The following SLC38A11 variants were observed in gnomAD, a reference collection of about 807,000 sequenced individuals.
SLC38A11 encodes the protein putative sodium-coupled neutral amino acid transporter 11.
SLC38A11 carries 51 observed loss-of-function variants against 49.4 expected under a neutral mutation model. The observed-to-expected ratio is 1.03, with a 90% CI of 0.83 to 1.30. The LOEUF is 1.30. SLC38A11 is among the 50% of genes most tolerant of loss of function. The probability of loss-of-function intolerance (pLI) is 0.00; values close to 1 mark genes in which losing one functional copy is unlikely to be tolerated. For synonymous variants in SLC38A11, 203 were observed against 192.9 expected, an observed-to-expected ratio of 1.05 and a Z score of -0.43; for missense variants, 574 against 556.2, an observed-to-expected ratio of 1.03 and a Z score of -0.32.
chr2:164,939,664 C>T, intron 5 of SLC38A11, 108 bp from the exon 6 acceptor site: 1 of 557,732 alleles, frequency 1.8e-6, no homozygotes. Context: ...ATAAATACTA[C>T]CTCAATGACA....
chr2:164,953,042 G>A, intron 2 of SLC38A11: 1 of 380,404 alleles, frequency 2.6e-6, no homozygotes, highest in East Asian at 6.1e-5. Context: ...AGCAGCAAAT[G>A]AAAAACAAAT....
Position 164,908,747 on chromosome 2 carries a change from C to T in SLC38A11, c.988G>A (p.Gly330Arg), listed in dbSNP as rs1424387119. ...REVIANVFFG[G>R]NLSSVFHIVV... ...ATGTGGAAAACCGATGAAAGATTCC[C>T]ACCAAAAAACACATTGGCAATTACC... is the stretch of plus-strand genomic sequence containing the variant. Residue 330 changes from glycine to arginine, a missense_variant, in exon 11 of 12, where the codon GGG becomes AGG. By Grantham distance (125) the Gly-to-Arg change is moderately radical (BLOSUM62 -2). Transcript: ENST00000685975. 1.9e-6 allele frequency: 3 copies of T among 1,609,194 alleles called. No individual in the cohort carries two copies. Among genetic ancestry groups the T allele is most frequent in the East Asian group, 2.2e-5 (1 of 44,704 alleles).
chr2:164,904,572 A>T (rs752520203), intron 11 of SLC38A11, among the ~76,000 whole-genome samples: 1 of 152,152 alleles, frequency 6.6e-6, no homozygotes, highest in Non-Finnish European at 1.5e-5. Flanking sequence ...ACTTATTCAG[A>T]AGCTAAAATA....
intron 6 of SLC38A11, chr2:164,937,747 TA>T (rs1460602862): frequency 6.6e-5 from 12 of 181,036 alleles, no homozygotes; most frequent in Admixed American, 4.3e-4. Flanking sequence ...CTTATAAAAG[TA>T]AAAGTGAAAT....
At chr2:164,908,570 A>T (rs1685178518) in intron 11 of SLC38A11, 70 bp downstream of exon 11, 1 of 1,350,354 alleles carries the variant, frequency 7.4e-7, no homozygotes, top group Non-Finnish European at 9.8e-7. Flanking sequence ...AATACATCTT[A>T]TGTTAAATGT....
chr2:164,949,279 C>T (rs886764467), intron 3 of SLC38A11, among the ~76,000 whole-genome samples: 2 of 151,964 alleles, frequency 1.3e-5, no homozygotes, highest in African/African-American at 2.4e-5. Flanking sequence ...GACTGAGTCT[C>T]GCTCTGTTGC....
Position 164,933,142 on chromosome 2 carries a change from A to G in SLC38A11, c.617+4208T>C, listed in dbSNP as rs151280488. On this transcript the variant is annotated intron_variant, in intron 7 of 11. Coordinates refer to ENST00000685975, the MANE Select transcript of SLC38A11 (RefSeq NM_001351537.2). The stretch of plus-strand genomic sequence containing the variant: ...TACCACACGATTAAAATGCTGTAAG[A>G]AAGATGTCATATGAGGGGAAAATAG... Among the ~76,000 whole-genome samples the G allele has an allele frequency of 2.6e-5, 4 of 152,230 alleles. No homozygotes were observed. The East Asian group carries it at 7.7e-4, about 29-fold the overall frequency.
At position 164,901,135 on chromosome 2, in the gene SLC38A11, C is replaced by G. The variant is rs558849273; in HGVS notation, c.1096-2405G>C. Among the ~76,000 whole-genome samples the G allele has an allele frequency of 3.9e-5, 6 of 152,066 alleles. No individual in the cohort carries two copies. The South Asian group carries it at 8.3e-4, about 21-fold the overall frequency. ...ATATGTTTGGATTTATTTCTTGGCT[C>G]TCTTTTATGTTCCATCGGTCTATAT... On this transcript the variant is annotated intron_variant, in intron 11 of 11. Transcript: ENST00000685975.
At chr2:164,940,911 GCACT>G (rs1172216572) in intron 5 of SLC38A11, among the ~76,000 whole-genome samples, 1 of 151,884 alleles carries the variant, frequency 6.6e-6, no homozygotes, top group Non-Finnish European at 1.5e-5. Flanking sequence ...CAAAATCCAT[GCACT>G]CACTATTTAC....
chr2:164,899,915 T>C (rs1321270560), intron 11 of SLC38A11, among the ~76,000 whole-genome samples: 2 of 152,110 alleles, frequency 1.3e-5, no homozygotes, highest in East Asian at 3.8e-4. Context: ...TCTGCTACTT[T>C]GAATTCTTTG....
chr2:164,922,250 T>G (rs1686253081), intron 7 of SLC38A11: 2 of 152,194 alleles, frequency 1.3e-5, no homozygotes, highest in African/African-American at 4.8e-5. Flanking sequence ...ACAGAAGCAC[T>G]TTCAAATATA....
chr2:164,898,099 C>A lies in SLC38A11; in HGVS notation c.*338G>T. 7.0e-6 allele frequency: 1 copy of A among 143,796 alleles called. No individual in the cohort carries two copies. Among genetic ancestry groups the A allele is most frequent in the East Asian group, 2.3e-4 (1 of 4,256 alleles). The allele number at this position is 143,796 out of a possible 1,614,324, so 8.9% of individuals were successfully genotyped here. A position where few individuals can be genotyped will look rare whatever the true frequency, so the allele number is the denominator to read the frequency against. ...ACCAAAAGACATCTACACAAAATTC[C>A]AACCCACAATCACCTACTTATTTTG... On this transcript the variant is annotated 3_prime_UTR_variant, in exon 12 of 12. Coordinates refer to ENST00000685975, the MANE Select transcript of SLC38A11 (RefSeq NM_001351537.2).
intron 8 of SLC38A11, 92 bp from the exon 9 acceptor site, chr2:164,915,365 C>T: frequency 9.1e-7 from 1 of 1,098,786 alleles, no homozygotes; most frequent in Non-Finnish European, 1.3e-6. Flanking sequence ...ACTTTAGATG[C>T]CAATGAACTG....
rs1417801815 is a variant in SLC38A11, at chr2:164,896,587, T to C, written c.*1850A>G. On this transcript the variant is annotated 3_prime_UTR_variant, in exon 12 of 12. Transcript: ENST00000685975. ...ACATGGAATGAAAGCATTTTTATTA[T>C]ATTTTACCTAAACATGTACCAATCT... 2 of 152,168 alleles carry C rather than the reference T, an allele frequency of 1.3e-5. No individual in the cohort carries two copies. The highest frequency in any genetic ancestry group is 6.6e-5 in the Admixed American group (1 of 15,260). 9.4% of individuals were successfully genotyped at this position (152,168 alleles called of 1,614,324 possible).
At chr2:164,902,860 A>T (rs1419333924) in intron 11 of SLC38A11, among the ~76,000 whole-genome samples, 1 of 152,210 alleles carries the variant, frequency 6.6e-6, no homozygotes, top group Non-Finnish European at 1.5e-5. Flanking sequence ...AGTAAGAAAC[A>T]TAAGAATGAG....
intron 7 of SLC38A11, among the ~76,000 whole-genome samples, chr2:164,924,811 T>C (rs1686452178): frequency 6.6e-6 from 1 of 152,108 alleles, no homozygotes; most frequent in Non-Finnish European, 1.5e-5. Flanking sequence ...CTCGGCTCAC[T>C]GCAAGCTCTG....
At chr2:164,940,294 A>G (rs1047393878) in intron 5 of SLC38A11, among the ~76,000 whole-genome samples, 1 of 149,676 alleles carries the variant, frequency 6.7e-6, no homozygotes, top group African/African-American at 2.4e-5. Flanking sequence ...GTATAATCAC[A>G]CATAAACAGA....
At chr2:164,913,375 AATGTCGAGGAGAATCT>A (rs981623479) in intron 9 of SLC38A11, among the ~76,000 whole-genome samples, 2 of 152,080 alleles carry the variant, frequency 1.3e-5, no homozygotes, top group Admixed American at 1.3e-4. Flanking sequence ...AGTCACTAGA[AATGTCGAGGAGAATCT>A]AGAGTTCCCA....
intron 7 of SLC38A11, among the ~76,000 whole-genome samples, chr2:164,935,716 A>C (rs1379464823): frequency 6.6e-6 from 1 of 151,832 alleles, no homozygotes; most frequent in Middle Eastern, 3.2e-3. Flanking sequence ...ACAAAAAAAC[A>C]CTAATGCTAT....
Sources: gnomAD v4.1 joint callset for allele counts (sites outside exome capture counted in the v4.1 genomes callset) on GRCh38, gnomAD v4.1.1 for gene constraint, MANE v1.5 for transcripts, NCBI Gene and HGNC (gene_info 2026-07-23, HGNC 2026-07-21) for gene names.